GALK1: variants seen among roughly 807,000 people sequenced by gnomAD.
The protein encoded by GALK1 is galactokinase 1.
In GALK1, 30 loss-of-function variants were observed where a neutral mutation model predicts 38.6. The observed-to-expected ratio is 0.78, with a 90% CI of 0.58 to 1.05. GALK1 has a LOEUF of 1.05. Ranked by LOEUF, GALK1 falls within the 50% of genes least tolerant of loss-of-function variation. The pLI is 0.00. For synonymous variants in GALK1, 240 were observed against 233.6 expected, an observed-to-expected ratio of 1.03 and a Z score of -0.25; for missense variants, 512 against 540.5, an observed-to-expected ratio of 0.95 and a Z score of 0.52.
At position 75,763,148 on chromosome 17, in the gene GALK1, G is replaced by C. The variant is rs749544838; in HGVS notation, c.477C>G (p.Asp159Glu). The C allele has an allele frequency of 6.2e-7, 1 of 1,611,714 alleles. No homozygotes were observed. Among genetic ancestry groups the C allele is most frequent in the East Asian group, 2.2e-5 (1 of 44,880 alleles). ...TYTFLQQLCP[D>E]SGTIAARAQV... ...GGGCGCGGGCAGCTATTGTGCCCGA[G>C]TCTGCAGTACAGGGTGAGGTGGGGA... The change falls in exon 4 of 8, where the codon GAC (aspartate) becomes GAG (glutamate). Residue 159 changes from aspartate (D) to glutamate (E), a missense_variant and splice_region_variant. By Grantham distance (45) the Asp-to-Glu change is conservative. Coordinates refer to ENST00000588479, the MANE Select transcript of GALK1 (RefSeq NM_000154.2).
chr17:75,758,651 A>G, intron 5 of GALK1, 52 bp from the exon 6 acceptor site: 1 of 1,549,378 alleles, frequency 6.5e-7, no homozygotes, highest in Non-Finnish European at 8.7e-7. Flanking sequence ...TGGGGCCCCG[A>G]CGCCTGTGAG....
In GALK1 at chr17:75,758,037, G is replaced by C. The variant is rs1405188788; in HGVS notation, c.*19C>G. 6.8e-6 allele frequency: 11 copies of C among 1,612,356 alleles called. No homozygotes were observed. The East Asian group carries it at 2.5e-4, about 36-fold the overall frequency. The stretch of plus-strand genomic sequence containing the variant: ...CCTGCAGGCCCCGCACCCTCACCGT[G>C]TGCTGTCCTGGGGGTGCCTCACAAG... On this transcript the variant is annotated 3_prime_UTR_variant, in exon 8 of 8. Transcript: ENST00000588479.
Position 75,762,814 on chromosome 17 carries a change from C to T in GALK1, c.683G>A (p.Arg228His), listed in dbSNP as rs374114654. The change falls in exon 5 of 8, where the codon CGC becomes CAC. Residue 228 changes from arginine (R) to histidine (H), a missense_variant. By Grantham distance (29) the Arg-to-His change is conservative. Transcript: ENST00000588479. ...LAVLITNSNV[R>H]HSLASSEYPV... is the part of the protein sequence containing the mutation. ...GTACTCGCTGGAGGCCAGGGAGTGG[C>T]GGACATTAGAGTTGGTGATGAGCAC... 15 of 1,613,556 alleles carry T rather than the reference C, an allele frequency of 9.3e-6. No individual in the cohort carries two copies. The highest frequency in any genetic ancestry group is 1.2e-5 in the Non-Finnish European group (14 of 1,179,936).
downstream of GALK1, chr17:75,753,837 C>T (rs2143454241): frequency 6.9e-7 from 1 of 1,441,962 alleles, no homozygotes; most frequent in East Asian, 2.8e-5. Context: ...CGGCTGCCCC[C>T]GGAGCTCATC....
intron 5 of GALK1, among the ~76,000 whole-genome samples, chr17:75,760,743 T>C (rs1288606787): frequency 6.6e-6 from 1 of 151,734 alleles, no homozygotes; most frequent in Non-Finnish European, 1.5e-5. Context: ...GCCACTGCGC[T>C]CCAGCCTGGG....
downstream of GALK1, chr17:75,754,534 C>G: frequency 6.2e-7 from 1 of 1,612,238 alleles, no homozygotes; most frequent in Non-Finnish European, 8.5e-7. Context: ...GGGCCCGGGT[C>G]TGGGGCAGGC....
At chr17:75,760,304 G>A (rs977254050) in intron 5 of GALK1, among the ~76,000 whole-genome samples, 1 of 151,900 alleles carries the variant, frequency 6.6e-6, no homozygotes, top group African/African-American at 2.4e-5. Context: ...TGTTGCCCAG[G>A]CTGGTCTCGA....
At chr17:75,755,797 G>T, downstream of GALK1, 3 of 1,610,950 alleles carry the variant, frequency 1.9e-6, no homozygotes, top group African/African-American at 1.3e-5. Context: ...CAGGAGCCGC[G>T]GTGCGAGCGG....
downstream of GALK1, chr17:75,754,803 G>T: frequency 5.0e-6 from 8 of 1,613,946 alleles, no homozygotes; most frequent in Non-Finnish European, 6.8e-6. Flanking sequence ...CCTCACCTCC[G>T]TCTCCTCCCA....
At chr17:75,757,648 G>A (rs756360104), downstream of GALK1, 1 of 1,561,868 alleles carries the variant, frequency 6.4e-7, no homozygotes, top group Non-Finnish European at 8.8e-7. Context: ...TGCACCCCTG[G>A]GGGCCCAGCC....
downstream of GALK1, chr17:75,753,880 C>T: frequency 7.5e-7 from 1 of 1,327,934 alleles, no homozygotes; most frequent in Non-Finnish European, 9.6e-7. Flanking sequence ...GGCGCTCCTC[C>T]GACGCCGAGG....
At chr17:75,752,729 A>AC in intron 8 of GALK1, 1 of 994,400 alleles carries the variant, frequency 1.0e-6, no homozygotes, top group Non-Finnish European at 1.5e-6. Context: ...ACATCTGTGC[A>AC]TGGGGCACAG....
chr17:75,755,196 C>T (rs142258384), downstream of GALK1: 25 of 1,604,666 alleles, frequency 1.6e-5, no homozygotes, highest in East Asian at 1.8e-4. Flanking sequence ...AGGCCAGCAG[C>T]GCCCTCCTGG....
chr17:75,760,059 TC>T (rs1365576557), intron 5 of GALK1, among the ~76,000 whole-genome samples: 1 of 152,182 alleles, frequency 6.6e-6, no homozygotes, highest in Non-Finnish European at 1.5e-5. Context: ...TAGACTACCT[TC>T]CTGGCCATGT....
downstream of GALK1, chr17:75,754,996 A>G (rs1192692327): frequency 7.1e-6 from 11 of 1,556,990 alleles, no homozygotes; most frequent in East Asian, 2.1e-4. Flanking sequence ...GCATGCGCAC[A>G]CGTACACACA....
In GALK1 at chr17:75,758,542, T is replaced by TC; in HGVS notation, c.850dup (p.Glu284GlyfsTer36). 6.3e-7 allele frequency: 1 copy of TC among 1,594,260 alleles called. No homozygotes were observed. Among genetic ancestry groups the TC allele is most frequent in the Non-Finnish European group, 8.5e-7 (1 of 1,175,388 alleles). Reference sequence around the variant, plus strand: ...CGCTGCCTGGGCCGTGCGCCGAATCTCCCCCACCACGTGCCGGGCCCGCCG... The same window carrying TC: ...CGCTGCCTGGGCCGTGCGCCGAATCTCCCCCCACCACGTGCCGGGCCCGCCG... On this transcript the variant is annotated frameshift_variant, in exon 6 of 8. Coordinates refer to ENST00000588479, the MANE Select transcript of GALK1 (RefSeq NM_000154.2). LOFTEE classifies it high-confidence loss of function.
chr17:75,756,923 A>G (rs749382932), downstream of GALK1: 1 of 1,612,286 alleles, frequency 6.2e-7, no homozygotes, highest in Non-Finnish European at 8.5e-7. Context: ...GCAGACGCTG[A>G]AGGCATCTTC....
At chr17:75,753,922 G>T, downstream of GALK1, 3 of 1,284,370 alleles carry the variant, frequency 2.3e-6, no homozygotes, top group Admixed American at 8.4e-5. Flanking sequence ...ACGGCGGCGC[G>T]GGCGGGAAGG....
At chr17:75,756,451 C>T (rs143423379), downstream of GALK1, 2 of 1,613,348 alleles carry the variant, frequency 1.2e-6, no homozygotes, top group African/African-American at 1.3e-5. Flanking sequence ...GGCTCAACAT[C>T]CCCAACCCTG....
Sources: gnomAD v4.1 joint callset for allele counts (sites outside exome capture counted in the v4.1 genomes callset) on GRCh38, gnomAD v4.1.1 for gene constraint, MANE v1.5 for transcripts, NCBI Gene and HGNC (gene_info 2026-07-23, HGNC 2026-07-21) for gene names.